Variants in TCF7L2 observed in about 807,000 individuals in gnomAD.
TCF7L2 encodes the protein transcription factor 7-like 2.
In TCF7L2, 23 loss-of-function variants were observed where a neutral mutation model predicts 77.9. That is an observed-to-expected ratio of 0.30 (90% CI 0.21 to 0.42). TCF7L2 has a LOEUF of 0.42. Ranked by LOEUF, TCF7L2 falls within the 10% of genes least tolerant of loss-of-function variation. TCF7L2 has a pLI of 1.00. For missense variants in TCF7L2, 654 were observed against 793.1 expected (o/e 0.82, Z 2.11); for synonymous variants, 413 against 340.2 (o/e 1.21, Z -2.36).
chr10:113,103,541 G>A (rs2061912332), intron 5 of TCF7L2, among the ~76,000 whole-genome samples: 2 of 152,174 alleles, frequency 1.3e-5, no homozygotes, highest in South Asian at 2.1e-4. Flanking sequence ...GTCTGCTTTG[G>A]AGGGTGAGCT....
intron 5 of TCF7L2, among the ~76,000 whole-genome samples, chr10:113,070,783 G>A (rs914355471): frequency 6.6e-6 from 1 of 152,100 alleles, no homozygotes; most frequent in Non-Finnish European, 1.5e-5. Context: ...TACAGTTATT[G>A]AGATATAATT....
At chr10:112,997,948 C>T (rs907771736) in intron 4 of TCF7L2, among the ~76,000 whole-genome samples, 1 of 151,952 alleles carries the variant, frequency 6.6e-6, no homozygotes, top group African/African-American at 2.4e-5. Flanking sequence ...GTATTACAAC[C>T]CCGTGTGCAA....
At chr10:113,038,694 A>G (rs1035151899) in intron 4 of TCF7L2, among the ~76,000 whole-genome samples, 9 of 152,026 alleles carry the variant, frequency 5.9e-5, no homozygotes, top group African/African-American at 2.2e-4. Flanking sequence ...TGTCCCAGAA[A>G]TTCTGTCATC....
intron 5 of TCF7L2, among the ~76,000 whole-genome samples, chr10:113,113,649 G>A (rs538166440): frequency 7.9e-5 from 12 of 152,292 alleles, no homozygotes; most frequent in African/African-American, 2.6e-4. Flanking sequence ...CCAAAGAACT[G>A]TGTGGTTTCT....
chr10:113,108,226 C>A (rs2062659189), intron 5 of TCF7L2, among the ~76,000 whole-genome samples: 1 of 152,162 alleles, frequency 6.6e-6, no homozygotes, highest in African/African-American at 2.4e-5. Flanking sequence ...ACCCCCCCAC[C>A]CCACCAGGCA....
rs753939765 is a variant in TCF7L2 at position 113,160,686 on chromosome 10, G to C, written c.1386G>C (p.Pro462=). ...ACCGACAGACTTTATGGTGCAAACC[G>C]TGCAGGTATATTACCACTGCGAGGC... Residue 462 remains proline, a synonymous_variant, in exon 13 of 14, where the codon CCG becomes CCC. Transcript: ENST00000627217. 1 of 1,591,274 alleles carries C rather than the reference G, an allele frequency of 6.3e-7. No individual in the cohort carries two copies.
intron 5 of TCF7L2, among the ~76,000 whole-genome samples, chr10:113,070,266 A>ATTTATATATATATATATATATAT (rs953072031): frequency 1.0e-5 from 1 of 96,464 alleles, no homozygotes; most frequent in African/African-American, 5.3e-5. Flanking sequence ...AAAAAAAAAA[A>ATTTATATATATATATATATATAT]ATTTATATAT....
Position 113,165,990 on chromosome 10 carries a change from C to T in TCF7L2, c.*18C>T, listed in dbSNP as rs2074024144. ...TAGAATAGCTTTAGCGTCGTGAACC[C>T]CGCTGCTTTGTTTATGGTTTTGTTT... On this transcript the variant is annotated 3_prime_UTR_variant, in exon 14 of 14. Coordinates refer to ENST00000627217, the MANE Select transcript of TCF7L2 (RefSeq NM_001146274.2). The T allele has an allele frequency of 2.7e-6, 4 of 1,468,336 alleles. No homozygotes were observed. The highest frequency in any genetic ancestry group is 2.4e-5 in the East Asian group (1 of 41,906). The allele number at this position is 1,468,336 out of a possible 1,614,324, so 91.0% of individuals were successfully genotyped here.
At chr10:112,953,983 C>T (rs1347933737) in intron 3 of TCF7L2, among the ~76,000 whole-genome samples, 1 of 152,184 alleles carries the variant, frequency 6.6e-6, no homozygotes. Context: ...AGATTATGTG[C>T]TCCAAAATTA....
intron 3 of TCF7L2, among the ~76,000 whole-genome samples, chr10:112,955,411 A>G (rs1014078749): frequency 6.6e-6 from 1 of 152,208 alleles, no homozygotes; most frequent in African/African-American, 2.4e-5. Flanking sequence ...TATAGGCTCA[A>G]CATTCACCCA....
rs539635479 is a variant in TCF7L2, at chr10:112,951,562, G to C, written c.336G>C (p.Thr112=). Reference sequence around the variant, plus strand: ...CCTTCATCATGATCCCCGACCTGACGAGCCCCTACCTCCCCAACGGATCGC... The same window carrying C: ...CCTTCATCATGATCCCCGACCTGACCAGCCCCTACCTCCCCAACGGATCGC... Residue 112 remains threonine (T), a synonymous_variant, in exon 3 of 14, where the codon ACG becomes ACC. Coordinates refer to ENST00000627217, the MANE Select transcript of TCF7L2 (RefSeq NM_001146274.2). 2.2e-6 allele frequency: 3 copies of C among 1,395,190 alleles called. No homozygotes were observed. The highest frequency in any genetic ancestry group is 2.5e-5 in the South Asian group (2 of 79,868). 86.4% of individuals were successfully genotyped at this position (1,395,190 alleles called of 1,614,324 possible).
chr10:113,057,841 G>T (rs145174243), intron 5 of TCF7L2, among the ~76,000 whole-genome samples: 1 of 152,106 alleles, frequency 6.6e-6, no homozygotes, highest in Non-Finnish European at 1.5e-5. Flanking sequence ...GCTCTCTGTC[G>T]GCTGAAAATG....
At chr10:112,966,421 C>G (rs991790933) in intron 4 of TCF7L2, among the ~76,000 whole-genome samples, 1 of 151,860 alleles carries the variant, frequency 6.6e-6, no homozygotes, top group African/African-American at 2.4e-5. Flanking sequence ...GTAAGTCTTG[C>G]TCCCAGAAAG....
chr10:112,998,409 G>T (rs1340122181), intron 4 of TCF7L2, among the ~76,000 whole-genome samples: 1 of 152,164 alleles, frequency 6.6e-6, no homozygotes, highest in Non-Finnish European at 1.5e-5. Flanking sequence ...AAAGAAAAAG[G>T]GAGAAAGCAG....
intron 12 of TCF7L2, 137 bp downstream of exon 12, chr10:113,158,206 TG>T: frequency 1.2e-6 from 1 of 836,652 alleles, no homozygotes; most frequent in Non-Finnish European, 1.9e-6. Context: ...CTAGCCTTTT[TG>T]TTTATGCATT....
At chr10:113,097,674 A>C (rs1446801533) in intron 5 of TCF7L2, among the ~76,000 whole-genome samples, 7 of 102,480 alleles carry the variant, frequency 6.8e-5, no homozygotes, top group South Asian at 5.7e-4. Context: ...AAAAAAAAAA[A>C]CAACCATGAG....
At chr10:113,038,863 G>T (rs1038462824) in intron 4 of TCF7L2, among the ~76,000 whole-genome samples, 2 of 152,162 alleles carry the variant, frequency 1.3e-5, no homozygotes, top group Non-Finnish European at 2.9e-5. Context: ...CACAAAGCAA[G>T]TAGTACTCAG....
intron 5 of TCF7L2, among the ~76,000 whole-genome samples, chr10:113,079,957 G>A (rs12768310): frequency 0.23 from 34,259 of 151,672 alleles, 4,317 homozygotes; most frequent in South Asian, 0.31. Flanking sequence ...GTGCCTGATC[G>A]CCATCCTTTT....
intron 4 of TCF7L2, among the ~76,000 whole-genome samples, chr10:113,038,261 A>G (rs1052239434): frequency 6.6e-6 from 1 of 152,160 alleles, no homozygotes; most frequent in African/African-American, 2.4e-5. Flanking sequence ...GATGAAAAAA[A>G]CAGAGATCAC....
Sources: gnomAD v4.1 joint callset for allele counts (sites outside exome capture counted in the v4.1 genomes callset) on GRCh38, gnomAD v4.1.1 for gene constraint, MANE v1.5 for transcripts, NCBI Gene and HGNC (gene_info 2026-07-23, HGNC 2026-07-21) for gene names.